The following DNMT1 variants were observed in gnomAD, a reference collection of about 807,000 sequenced individuals.
The protein encoded by DNMT1 is DNA (cytosine-5)-methyltransferase 1.
DNMT1 carries 24 observed loss-of-function variants against 205.3 expected under a neutral mutation model. That is an observed-to-expected ratio of 0.12 (90% CI 0.08 to 0.16). The LOEUF is 0.16. DNMT1 is among the 10% of genes least tolerant of loss of function. DNMT1 has a pLI of 1.00. For synonymous variants in DNMT1, 817 were observed against 839.8 expected (o/e 0.97, Z 0.47); for missense variants, 1,293 against 2,177.7 (o/e 0.59, Z 8.09).
At position 10,163,010 on chromosome 19, in the gene DNMT1, G is replaced by C; in HGVS notation, c.927-262C>G. ...GAGACAGAGTTTCACTCTTGTCCAGGCTGGAGTGCAGTGGCGCAATCTTGG... is the reference window on the plus strand; with the variant it reads ...GAGACAGAGTTTCACTCTTGTCCAGCCTGGAGTGCAGTGGCGCAATCTTGG... On this transcript the variant is annotated intron_variant, in intron 12 of 40. Coordinates refer to ENST00000359526, the MANE Select transcript of DNMT1 (RefSeq NM_001130823.3). 3 of 560,562 alleles carry C rather than the reference G, an allele frequency of 5.4e-6. No individual in the cohort carries two copies. In the Admixed American group the frequency reaches 9.9e-5, roughly 18 times the overall value. 34.7% of individuals were successfully genotyped at this position (560,562 alleles called of 1,614,324 possible). A position where few individuals can be genotyped will look rare whatever the true frequency, so the allele number is the denominator to read the frequency against.
chr19:10,140,257 C>T lies in DNMT1; in HGVS notation c.3595G>A (p.Gly1199Ser), dbSNP rs780717834. The change falls in exon 33 of 41, where the codon GGC (glycine) becomes AGC (serine). Residue 1199 changes from glycine (G) to serine (S), a missense_variant. Physicochemically the swap from Gly to Ser is moderately conservative, Grantham distance 56. This residue lies in a region of DNMT1 where 26 missense variants were observed against 86.5 expected (regional missense o/e 0.30). Coordinates refer to ENST00000359526, the MANE Select transcript of DNMT1 (RefSeq NM_001130823.3). The surrounding 1 kb of genome is among the most constrained non-coding windows in gnomAD (Gnocchi z 8.4). Reference protein sequence around the residue: ...AAQAFRLNNPGSTVFTEDCNI... With the variant: ...AAQAFRLNNPSSTVFTEDCNI... Reference sequence around the variant, plus strand: ...CAGTCCTCTGTGAACACTGTGGAGCCGGGGTTGTTCAGCCGGAACGCCTGG... The same window carrying T: ...CAGTCCTCTGTGAACACTGTGGAGCTGGGGTTGTTCAGCCGGAACGCCTGG... 64 of 1,613,880 alleles carry T rather than the reference C, an allele frequency of 4.0e-5. No individual in the cohort carries two copies. Among genetic ancestry groups the T allele is most frequent in the Non-Finnish European group, 4.8e-5 (57 of 1,180,038 alleles).
rs760287082 is a variant in DNMT1 at position 10,159,626 on chromosome 19, C to T, written c.1280+32G>A. 19 of 1,609,760 alleles carry T rather than the reference C, an allele frequency of 1.2e-5. No homozygotes were observed. The highest frequency in any genetic ancestry group is 1.5e-5 in the Non-Finnish European group (18 of 1,176,322). ...ACCTCTGGGGATGTGCCTCCTTCCA[C>T]GAAGCAAACATGCACACGAAAGTGC... is the stretch of plus-strand genomic sequence containing the variant. On this transcript the variant is annotated intron_variant, in intron 17 of 40. Coordinates refer to ENST00000359526, the MANE Select transcript of DNMT1 (RefSeq NM_001130823.3). This position sits in a 1 kb window ranked among gnomAD's most constrained non-coding sequence, Gnocchi z 5.0.
intron 28 of DNMT1, among the ~76,000 whole-genome samples, chr19:10,145,923 G>A (rs1397201628): frequency 1.2e-4 from 18 of 152,120 alleles, no homozygotes; most frequent in Non-Finnish European, 2.9e-5. Context: ...CTGCCTCCCA[G>A]GTTCAAGTGA....
rs1435614540 is a variant in DNMT1, at chr19:10,159,496, A to C, written c.1280+162T>G. 6.6e-6 allele frequency among the ~76,000 whole-genome samples: 1 copy of C among 152,128 alleles called. No homozygotes were observed. Among genetic ancestry groups the C allele is most frequent in the African/African-American group, 2.4e-5 (1 of 41,442 alleles). ...AGTGCTAGGATTACAGGCATGAGCC[A>C]CCGCGCCCAGCCCTCCACGGTGGCT... On this transcript the variant is annotated intron_variant, in intron 17 of 40. Coordinates refer to ENST00000359526, the MANE Select transcript of DNMT1 (RefSeq NM_001130823.3). The surrounding 1 kb of genome is among the most constrained non-coding windows in gnomAD (Gnocchi z 5.0).
intron 30 of DNMT1, 74 bp from the exon 31 acceptor site, chr19:10,141,263 G>A (rs1282340663): frequency 2.6e-5 from 39 of 1,478,710 alleles, no homozygotes; most frequent in Non-Finnish European, 3.5e-5. Flanking sequence ...TAGTAAGAAG[G>A]CAATTTGATA....
At chr19:10,173,507 T>C (rs938096492) in intron 8 of DNMT1, among the ~76,000 whole-genome samples, 1 of 151,776 alleles carries the variant, frequency 6.6e-6, no homozygotes, top group African/African-American at 2.4e-5. Flanking sequence ...TTTTTTTTTT[T>C]TTGAGATGGA....
Position 10,137,026 on chromosome 19 carries a change from C to G in DNMT1, c.4489+59G>C. The G allele has an allele frequency of 1.3e-6, 2 of 1,574,326 alleles. No individual in the cohort carries two copies. ...GGCCTCCAGGTTCACAGGCCAAAGGCCCAGGGCTCTGCCTTCCTTCCCCTC... is the reference window on the plus strand; with the variant it reads ...GGCCTCCAGGTTCACAGGCCAAAGGGCCAGGGCTCTGCCTTCCTTCCCCTC... On this transcript the variant is annotated intron_variant, in intron 37 of 40. Transcript: ENST00000359526. The surrounding 1 kb of genome is among the most constrained non-coding windows in gnomAD (Gnocchi z 6.4).
intron 9 of DNMT1, among the ~76,000 whole-genome samples, chr19:10,171,804 C>T (rs1599385564): frequency 7.1e-6 from 1 of 139,922 alleles, no homozygotes; most frequent in African/African-American, 2.7e-5. Context: ...GACTCCGTCT[C>T]AAATAAATAA....
chr19:10,138,075 G>A lies in DNMT1; in HGVS notation c.4116-66C>T. 2 of 1,529,732 alleles carry A rather than the reference G, an allele frequency of 1.3e-6. No individual in the cohort carries two copies. Among genetic ancestry groups the A allele is most frequent in the Non-Finnish European group, 1.8e-6 (2 of 1,127,592 alleles). The allele number at this position is 1,529,732 out of a possible 1,614,324, so 94.8% of individuals were successfully genotyped here. A position where few individuals can be genotyped will look rare whatever the true frequency, so the allele number is the denominator to read the frequency against. The stretch of plus-strand genomic sequence containing the variant: ...CAGCAGCTGTCCCCTCATCACAGGT[G>A]CCACCCCCTGCCTGCTCAGATGGCC... On this transcript the variant is annotated intron_variant, in intron 35 of 40. Coordinates refer to ENST00000359526, the MANE Select transcript of DNMT1 (RefSeq NM_001130823.3). The surrounding 1 kb of genome is among the most constrained non-coding windows in gnomAD (Gnocchi z 4.1).
chr19:10,134,338 G>A (rs780737366), intron 39 of DNMT1, 31 bp from the exon 40 acceptor site: 1 of 1,605,576 alleles, frequency 6.2e-7, no homozygotes, highest in South Asian at 1.1e-5. Context: ...AATGCCTGAT[G>A]TGGACACCCA....
Position 10,160,033 on chromosome 19 carries a change from T to C in DNMT1, c.1074A>G (p.Thr358=). The change falls in exon 15 of 41, where the codon ACA becomes ACG. Residue 358 remains threonine, a synonymous_variant. Coordinates refer to ENST00000359526, the MANE Select transcript of DNMT1 (RefSeq NM_001130823.3). ...AGATGTTTACCTTGGAGTTCATGAC[T>C]GTTTTGGCGCGAGCCATTTTTTTCT... ...PTEKKMARAK[T]VMNSKTHPPK... 6.2e-7 allele frequency: 1 copy of C among 1,613,048 alleles called. No individual in the cohort carries two copies.
intron 1 of DNMT1, among the ~76,000 whole-genome samples, chr19:10,189,416 C>T (rs935809660): frequency 2.7e-5 from 4 of 148,764 alleles, no homozygotes; most frequent in Non-Finnish European, 5.9e-5. Context: ...CCACCACGCC[C>T]AGCTGATTTT....
At chr19:10,190,720 G>A (rs888433566) in intron 1 of DNMT1, among the ~76,000 whole-genome samples, 13 of 149,418 alleles carry the variant, frequency 8.7e-5, no homozygotes, top group African/African-American at 2.7e-4. Context: ...AGCCAAGTTC[G>A]CACCACTGCA....
chr19:10,154,179 T>A lies in DNMT1; in HGVS notation c.2019+114A>T. 9.0e-7 allele frequency: 1 copy of A among 1,113,416 alleles called. No homozygotes were observed. Among genetic ancestry groups the A allele is most frequent in the African/African-American group, 1.5e-5 (1 of 64,844 alleles). The allele number at this position is 1,113,416 out of a possible 1,614,324, so 69.0% of individuals were successfully genotyped here. A position where few individuals can be genotyped will look rare whatever the true frequency, so the allele number is the denominator to read the frequency against. On this transcript the variant is annotated intron_variant, in intron 22 of 40. Coordinates refer to ENST00000359526, the MANE Select transcript of DNMT1 (RefSeq NM_001130823.3). This position sits in a 1 kb window ranked among gnomAD's most constrained non-coding sequence, Gnocchi z 6.3. ...CACTAACTAATTTCTGTCTCAGGGG[T>A]CACATTTGAGCAGCCAGAGTCTCAA...
chr19:10,181,508 G>T (rs1201601950), intron 2 of DNMT1, among the ~76,000 whole-genome samples: 1 of 145,760 alleles, frequency 6.9e-6, no homozygotes, highest in African/African-American at 2.5e-5. Context: ...ATCCAGAGTA[G>T]ATTGTTTAGG....
At chr19:10,172,682 G>A (rs1390918763) in intron 9 of DNMT1, among the ~76,000 whole-genome samples, 1 of 151,960 alleles carries the variant, frequency 6.6e-6, no homozygotes, top group East Asian at 1.9e-4. Context: ...GAGTATGGCG[G>A]CGGGCGCCTG....
At chr19:10,174,402 G>C (rs1445489821) in intron 7 of DNMT1, among the ~76,000 whole-genome samples, 1 of 151,896 alleles carries the variant, frequency 6.6e-6, no homozygotes, top group Non-Finnish European at 1.5e-5. Context: ...GTGACAGAAT[G>C]AGACCTGTCT....
In DNMT1 at chr19:10,136,151, G is replaced by C. The variant is rs760037814; in HGVS notation, c.4626C>G (p.Thr1542=). Residue 1542 remains threonine, a synonymous_variant, in exon 38 of 41, where the codon ACC becomes ACG. Coordinates refer to ENST00000359526, the MANE Select transcript of DNMT1 (RefSeq NM_001130823.3). ...TGCCCATGGGCTCGGGGTTGGTGAC[G>C]GTTGTGCTGAAGAAGCCGTCCCACT... ...RLEWDGFFST[T]VTNPEPMGKQ... 4 of 1,614,050 alleles carry C rather than the reference G, an allele frequency of 2.5e-6. No homozygotes were observed. The South Asian group carries it at 4.4e-5, about 18-fold the overall frequency.
chr19:10,141,445 A>G (rs1360670733), intron 30 of DNMT1: 2 of 495,970 alleles, frequency 4.0e-6, no homozygotes, highest in African/African-American at 3.9e-5. Context: ...TAGAACAGGA[A>G]AAAGTGCTAT....
Sources: allele counts gnomAD v4.1 joint callset (sites outside exome capture counted in the v4.1 genomes callset), GRCh38; gene constraint gnomAD v4.1.1; regional missense constraint gnomAD v4.1.1; non-coding constraint Gnocchi (gnomAD v3.1); transcripts MANE v1.5; gene names NCBI Gene and HGNC (gene_info 2026-07-23, HGNC 2026-07-21).